Variants in TTLL6 observed in about 807,000 individuals in gnomAD.
TTLL6 encodes the protein tubulin polyglutamylase TTLL6.
A neutral mutation model predicts 96.4 loss-of-function variants in TTLL6; 75 were observed. The ratio of observed to expected loss-of-function variants is 0.78; its 90% confidence interval spans 0.65 to 0.94. TTLL6 has a LOEUF of 0.94. Among genes scored for constraint, TTLL6 ranks in the 40% least tolerant of loss-of-function variants. The pLI, the probability that TTLL6 is intolerant of heterozygous loss-of-function variation, is 0.00. For synonymous variants in TTLL6, 411 were observed against 419.4 expected, an observed-to-expected ratio of 0.98 and a Z score of 0.24; for missense variants, 1,030 against 1,093.0, an observed-to-expected ratio of 0.94 and a Z score of 0.81.
intron 7 of TTLL6, 36 bp from the exon 8 acceptor site, chr17:48,796,182 G>A (rs767360591): frequency 1.2e-5 from 18 of 1,501,208 alleles, no homozygotes; most frequent in Middle Eastern, 3.4e-4. Context: ...GGGTCAGCTC[G>A]GAAGGGCAGG....
intron 1 of TTLL6, among the ~76,000 whole-genome samples, chr17:48,816,193 AG>A (rs1480819152): frequency 2.0e-5 from 3 of 152,208 alleles, no homozygotes; most frequent in Non-Finnish European, 2.9e-5. Flanking sequence ...CTGTAATTCC[AG>A]CACTTTGGGA....
intron 1 of TTLL6, among the ~76,000 whole-genome samples, chr17:48,813,459 T>C (rs1412542642): frequency 6.6e-6 from 1 of 152,042 alleles, no homozygotes; most frequent in Non-Finnish European, 1.5e-5. Flanking sequence ...CTCAGGAGGC[T>C]GAGGTGGGAG....
At chr17:48,810,095 T>C (rs2039557387) in intron 1 of TTLL6, among the ~76,000 whole-genome samples, 1 of 137,536 alleles carries the variant, frequency 7.3e-6, no homozygotes, top group South Asian at 2.2e-4. Flanking sequence ...GCCGAGATCA[T>C]GCCATTGTAC....
intron 8 of TTLL6, among the ~76,000 whole-genome samples, chr17:48,795,329 G>GAAAAAAAAAA (rs796848295): frequency 1.4e-5 from 1 of 73,386 alleles, no homozygotes. Context: ...AGTCTCAAAA[G>GAAAAAAAAAA]AAAAAAAAAA....
intron 9 of TTLL6, among the ~76,000 whole-genome samples, chr17:48,790,618 G>C (rs1007449722): frequency 7.2e-5 from 11 of 152,312 alleles, no homozygotes; most frequent in African/African-American, 1.4e-4. Flanking sequence ...TGAAGGGCTT[G>C]GTCCTGATGG....
intron 8 of TTLL6, chr17:48,794,215 T>C (rs761090507): frequency 4.3e-6 from 7 of 1,613,966 alleles, no homozygotes; most frequent in Middle Eastern, 1.6e-4. Flanking sequence ...TTAGTTCTGC[T>C]ACCCCGAGAC....
At chr17:48,794,357 T>C in intron 8 of TTLL6, 1 of 1,548,836 alleles carries the variant, frequency 6.5e-7, no homozygotes, top group Non-Finnish European at 8.7e-7. Flanking sequence ...GCACACTGTC[T>C]GTGTTGCCAT....
chr17:48,786,111 G>T, intron 12 of TTLL6, 53 bp downstream of exon 12: 1 of 1,609,472 alleles, frequency 6.2e-7, no homozygotes, highest in Non-Finnish European at 8.5e-7. Context: ...CCACGGATCA[G>T]GCCCAGGTGG....
intron 10 of TTLL6, among the ~76,000 whole-genome samples, chr17:48,788,795 C>A (rs950391444): frequency 1.3e-5 from 2 of 152,144 alleles, no homozygotes; most frequent in Non-Finnish European, 2.9e-5. Flanking sequence ...CCTACCTACC[C>A]GCTCCTTACA....
intron 8 of TTLL6, among the ~76,000 whole-genome samples, chr17:48,792,571 A>G (rs1218149185): frequency 2.0e-5 from 3 of 152,170 alleles, no homozygotes; most frequent in African/African-American, 7.2e-5. Flanking sequence ...CAGCCAGACA[A>G]TGAGCATTTG....
At position 48,786,223 on chromosome 17, in the gene TTLL6, T is replaced by C; in HGVS notation, c.1702A>G (p.Arg568Gly). 1 of 1,614,232 alleles carries C rather than the reference T, an allele frequency of 6.2e-7. No individual in the cohort carries two copies. Among genetic ancestry groups the C allele is most frequent in the Admixed American group, 1.7e-5 (1 of 60,026 alleles). The change falls in exon 12 of 16, where the codon AGG becomes GGG. Residue 568 changes from arginine to glycine, a missense_variant. By Grantham distance (125) the Arg-to-Gly change is moderately radical. Transcript: ENST00000393382. ...AGEQVRKKGM[R>G]GWQQKQQQKD... ...TGCTGTTGTTTCTGTTGCCAGCCCCTCATGCCCTTCTTTCTCACTTGCTCG... is the reference window on the plus strand; with the variant it reads ...TGCTGTTGTTTCTGTTGCCAGCCCCCCATGCCCTTCTTTCTCACTTGCTCG...
Position 48,794,386 on chromosome 17 carries a change from C to G in TTLL6, c.998+1675G>C, listed in dbSNP as rs1217069661. 3.3e-6 allele frequency: 5 copies of G among 1,494,014 alleles called. No homozygotes were observed. The African/African-American group carries it at 5.6e-5, about 17-fold the overall frequency. 92.5% of individuals were successfully genotyped at this position (1,494,014 alleles called of 1,614,324 possible). On this transcript the variant is annotated intron_variant, in intron 8 of 15. Transcript: ENST00000393382. Reference sequence around the variant, plus strand: ...TTGCCATCACAAGTCATTTGAACCTCACAGAGACCCTGTGAGGTGGCAGGG... The same window carrying G: ...TTGCCATCACAAGTCATTTGAACCTGACAGAGACCCTGTGAGGTGGCAGGG...
At chr17:48,774,233 G>GTTTTTTT (rs1218981467) in intron 13 of TTLL6, among the ~76,000 whole-genome samples, 1 of 112,934 alleles carries the variant, frequency 8.9e-6, no homozygotes, top group African/African-American at 3.2e-5. Context: ...CAGGTTTGTT[G>GTTTTTTT]TTTTTTTTTT....
chr17:48,802,153 A>C, intron 3 of TTLL6, among the ~76,000 whole-genome samples: 1 of 149,546 alleles, frequency 6.7e-6, no homozygotes, highest in Non-Finnish European at 1.5e-5. Flanking sequence ...AAAGAAAGAA[A>C]ATAAAGGAAC....
At chr17:48,784,696 T>G (rs1050831920) in intron 13 of TTLL6, among the ~76,000 whole-genome samples, 1 of 152,010 alleles carries the variant, frequency 6.6e-6, no homozygotes, top group African/African-American at 2.4e-5. Context: ...TAGGAACCAC[T>G]CCAGGGGATA....
At chr17:48,799,475 G>T in intron 6 of TTLL6, 129 bp downstream of exon 6, 2 of 969,420 alleles carry the variant, frequency 2.1e-6, no homozygotes, top group Non-Finnish European at 3.1e-6. Flanking sequence ...CTGACAAAGT[G>T]CAAGGCAGAA....
At chr17:48,767,879 C>T (rs1022902279) in intron 15 of TTLL6, among the ~76,000 whole-genome samples, 1 of 152,190 alleles carries the variant, frequency 6.6e-6, no homozygotes, top group Non-Finnish European at 1.5e-5. Context: ...CCTCAGCACA[C>T]TCCATTACAG....
chr17:48,801,265 G>A lies in TTLL6; in HGVS notation c.601C>T (p.Leu201Phe), dbSNP rs774525169. ...DFRFFPRTWC[L>F]PADWGDLQTY... ...GCGGGGGGCACTCACTCAGCAGGAA[G>A]ACACCAGGTCCTAGGGAAAAAGCGG... Residue 201 changes from leucine (L) to phenylalanine (F), a missense_variant, in exon 5 of 16, where the codon CTT becomes TTT. Physicochemically the swap from Leu to Phe is conservative, Grantham distance 22. Transcript: ENST00000393382. The A allele has an allele frequency of 1.9e-6, 3 of 1,551,620 alleles. 1 individual carries two copies. The South Asian group carries it at 3.6e-5, about 18-fold the overall frequency.
Position 48,769,182 on chromosome 17 carries a change from G to A in TTLL6, c.2483C>T (p.Ser828Phe), listed in dbSNP as rs759091901. The A allele has an allele frequency of 2.5e-6, 4 of 1,614,020 alleles. No individual in the cohort carries two copies. In the South Asian group the frequency reaches 4.4e-5, roughly 18 times the overall value. Residue 828 changes from serine to phenylalanine, a missense_variant, in exon 15 of 16, where the codon TCC (serine) becomes TTC (phenylalanine). Coordinates refer to ENST00000393382, the MANE Select transcript of TTLL6 (RefSeq NM_001130918.3). ...SSGEKRQLDV[S>F]SLLLQSPQSY... ...CTGAGGACTCTGCAAGAGGAGGGAG[G>A]ACACATCCAGCTGCCTCTTCTCGCC... is the stretch of plus-strand genomic sequence containing the variant.
Sources: gnomAD v4.1 joint callset for allele counts (sites outside exome capture counted in the v4.1 genomes callset) on GRCh38, gnomAD v4.1.1 for gene constraint, MANE v1.5 for transcripts, NCBI Gene and HGNC (gene_info 2026-07-23, HGNC 2026-07-21) for gene names.